HEATR1: variants seen among roughly 807,000 people sequenced by gnomAD.
HEATR1 encodes HEAT repeat containing 1.
In HEATR1, 77 loss-of-function variants were observed where a neutral mutation model predicts 248.2. The observed-to-expected ratio is 0.31, with a 90% confidence interval of 0.26 to 0.37. HEATR1 has a LOEUF of 0.37. Among genes scored for constraint, HEATR1 ranks in the 10% least tolerant of loss-of-function variants. HEATR1 has a pLI of 1.00. For synonymous variants in HEATR1, 897 were observed against 923.1 expected (o/e 0.97, Z 0.51); for missense variants, 2,420 against 2,504.9 (o/e 0.97, Z 0.72).
intron 24 of HEATR1, among the ~76,000 whole-genome samples, chr1:236,573,664 A>G (rs1392112514): frequency 6.6e-6 from 1 of 152,188 alleles, no homozygotes; most frequent in African/African-American, 2.4e-5. Context: ...AAAGAAAAAG[A>G]AGGAAAAAAG....
chr1:236,564,582 G>T lies in HEATR1; in HGVS notation c.4515C>A (p.His1505Gln). Residue 1505 changes from histidine (H) to glutamine (Q), a missense_variant, in exon 32 of 45, where the codon CAC (histidine) becomes CAA (glutamine). Transcript: ENST00000366582. ...EMLQVFNVET[H>Q]TSKQLRHFKF... Reference sequence around the variant, plus strand: ...TAAAATGCCGCAGTTGCTTGCTAGTGTGAGTCTCTACATTAAAAACCTGTA... The same window carrying T: ...TAAAATGCCGCAGTTGCTTGCTAGTTTGAGTCTCTACATTAAAAACCTGTA... 1.2e-6 allele frequency: 2 copies of T among 1,613,886 alleles called. No individual in the cohort carries two copies. Among genetic ancestry groups the T allele is most frequent in the South Asian group, 1.1e-5 (1 of 91,082 alleles).
At chr1:236,564,068 T>C (rs1384985049) in intron 32 of HEATR1, among the ~76,000 whole-genome samples, 9 of 152,204 alleles carry the variant, frequency 5.9e-5, no homozygotes, top group South Asian at 2.1e-4. Context: ...CAGTGAGCCA[T>C]GATTGCTCTA....
At chr1:236,583,475 G>C (rs922941647) in intron 17 of HEATR1, among the ~76,000 whole-genome samples, 2 of 142,362 alleles carry the variant, frequency 1.4e-5, no homozygotes, top group Non-Finnish European at 3.0e-5. Flanking sequence ...GGAATAAATA[G>C]GCATATTTCT....
chr1:236,582,683 C>T (rs949619550), intron 19 of HEATR1, 53 bp downstream of exon 19: 3 of 1,593,978 alleles, frequency 1.9e-6, no homozygotes, highest in Non-Finnish European at 2.6e-6. Flanking sequence ...GATTGCAGGC[C>T]AGCCATATCT....
At chr1:236,585,432 A>G (rs1030986184) in intron 16 of HEATR1, among the ~76,000 whole-genome samples, 2 of 152,214 alleles carry the variant, frequency 1.3e-5, no homozygotes, top group African/African-American at 4.8e-5. Context: ...TGGTTAATGT[A>G]TTTAAATCAC....
In HEATR1 at chr1:236,574,257, A is replaced by C. The variant is rs1410371050; in HGVS notation, c.3404T>G (p.Leu1135Trp). The C allele has an allele frequency of 6.2e-7, 1 of 1,613,042 alleles. No individual in the cohort carries two copies. The highest frequency in any genetic ancestry group is 1.3e-5 in the African/African-American group (1 of 74,898). ...ACAATGTGAGTTTTTACAGTTCACC[A>C]ATAAATCAAACAACATTCTTAAAAG... The part of the protein sequence containing the change: ...QKLLRMLFDL[L>W]VNCKNSHCAQ... The change falls in exon 24 of 45, where the codon TTG becomes TGG. Residue 1135 changes from leucine (L) to tryptophan (W), a missense_variant. Transcript: ENST00000366582.
chr1:236,599,721 C>G, intron 3 of HEATR1, 97 bp from the exon 4 acceptor site: 1 of 1,136,194 alleles, frequency 8.8e-7, no homozygotes. Flanking sequence ...TAAGCTAAAA[C>G]AACCTAGAAC....
intron 43 of HEATR1, among the ~76,000 whole-genome samples, chr1:236,553,178 G>A (rs1341207929): frequency 6.6e-6 from 1 of 152,118 alleles, no homozygotes; most frequent in Non-Finnish European, 1.5e-5. Flanking sequence ...ATAAACAACA[G>A]AATGTATTGC....
intron 28 of HEATR1, 40 bp downstream of exon 28, chr1:236,571,311 T>C (rs759406102): frequency 1.3e-6 from 2 of 1,555,774 alleles, no homozygotes; most frequent in South Asian, 1.2e-5. Context: ...AAGAAAAATA[T>C]CTGAAATATC....
intron 5 of HEATR1, among the ~76,000 whole-genome samples, chr1:236,597,256 A>T (rs890212922): frequency 1.4e-4 from 19 of 138,274 alleles, no homozygotes; most frequent in South Asian, 4.5e-4. Flanking sequence ...TTAAAAAAAA[A>T]TTTTTTTTTT....
Position 236,574,250 on chromosome 1 carries a change from G to T in HEATR1, c.3411C>A (p.Asn1137Lys), listed in dbSNP as rs759450350. ...LLRMLFDLLV[N>K]CKNSHCAQTV... is the part of the protein sequence containing the mutation. ...TCTGAGCACAATGTGAGTTTTTACA[G>T]TTCACCAATAAATCAAACAACATTC... Residue 1137 changes from asparagine to lysine, a missense_variant, in exon 24 of 45, where the codon AAC becomes AAA. By Grantham distance (94) the Asn-to-Lys change is moderately conservative. Coordinates refer to ENST00000366582, the MANE Select transcript of HEATR1 (RefSeq NM_018072.6). 6.2e-7 allele frequency: 1 copy of T among 1,612,814 alleles called. No individual in the cohort carries two copies. Among genetic ancestry groups the T allele is most frequent in the Non-Finnish European group, 8.5e-7 (1 of 1,179,502 alleles).
intron 9 of HEATR1, among the ~76,000 whole-genome samples, chr1:236,593,444 T>C (rs945048785): frequency 1.3e-5 from 2 of 152,100 alleles, no homozygotes; most frequent in African/African-American, 4.8e-5. Flanking sequence ...GGCACTCTCT[T>C]GATCCTACAA....
chr1:236,588,160 C>G, intron 12 of HEATR1, 117 bp from the exon 13 acceptor site: 1 of 662,868 alleles, frequency 1.5e-6, no homozygotes, highest in Non-Finnish European at 2.6e-6. Flanking sequence ...CTAACACAGG[C>G]TCTGCTCTGG....
chr1:236,550,801 G>A lies in HEATR1; in HGVS notation c.*101C>T. 3 of 841,844 alleles carry A rather than the reference G, an allele frequency of 3.6e-6. No individual in the cohort carries two copies. Among genetic ancestry groups the A allele is most frequent in the Non-Finnish European group, 5.7e-6 (3 of 529,972 alleles). 52.1% of individuals were successfully genotyped at this position (841,844 alleles called of 1,614,324 possible). ...ACATTTGTAAGTAATCCAAGTAGGT[G>A]TATTAAGGCACCAAAAGTAACATGG... is the stretch of plus-strand genomic sequence containing the variant. On this transcript the variant is annotated 3_prime_UTR_variant, in exon 45 of 45. Coordinates refer to ENST00000366582, the MANE Select transcript of HEATR1 (RefSeq NM_018072.6).
chr1:236,562,162 G>A (rs1002223396), intron 32 of HEATR1, among the ~76,000 whole-genome samples: 1 of 152,174 alleles, frequency 6.6e-6, no homozygotes, highest in African/African-American at 2.4e-5. Flanking sequence ...GAGGCTAAAT[G>A]ACATTGTACA....
intron 12 of HEATR1, among the ~76,000 whole-genome samples, chr1:236,590,250 AAG>A (rs939624744): frequency 2.0e-5 from 3 of 151,906 alleles, no homozygotes; most frequent in South Asian, 2.1e-4. Flanking sequence ...TTTTTTTTGA[AAG>A]AGTCTTGCCC....
chr1:236,594,448 T>C (rs1406458167), intron 8 of HEATR1, among the ~76,000 whole-genome samples: 8 of 152,226 alleles, frequency 5.3e-5, no homozygotes, highest in African/African-American at 1.2e-4. Context: ...CAACTATCTC[T>C]GAAAAGAGGT....
intron 20 of HEATR1, among the ~76,000 whole-genome samples, chr1:236,579,475 C>A (rs994243662): frequency 1.4e-4 from 21 of 152,134 alleles, no homozygotes; most frequent in Non-Finnish European, 1.5e-5. Flanking sequence ...ATATATGTAC[C>A]TTTTTGAAAA....
At chr1:236,579,829 GAACT>G (rs749017015) in intron 20 of HEATR1, among the ~76,000 whole-genome samples, 8 of 151,094 alleles carry the variant, frequency 5.3e-5, no homozygotes, top group African/African-American at 1.5e-4. Context: ...CTCTTTCAAA[GAACT>G]AACAAAAAAT....
Sources: gnomAD v4.1 joint callset for allele counts (sites outside exome capture counted in the v4.1 genomes callset) on GRCh38, gnomAD v4.1.1 for gene constraint, MANE v1.5 for transcripts, NCBI Gene and HGNC (gene_info 2026-07-23, HGNC 2026-07-21) for gene names.